BNC2: variants seen among roughly 807,000 people sequenced by gnomAD.
BNC2 encodes basonuclin zinc finger protein 2, also known as zinc finger protein basonuclin-2.
BNC2 carries 20 observed loss-of-function variants against 76.3 expected under a neutral mutation model. That is an observed-to-expected ratio of 0.26 (90% CI 0.18 to 0.38). BNC2 has a LOEUF of 0.38. BNC2 is among the 10% of genes least tolerant of loss of function. The pLI, the probability that BNC2 is intolerant of heterozygous loss-of-function variation, is 1.00. For missense variants in BNC2, 1,382 were observed against 1,399.8 expected, an observed-to-expected ratio of 0.99 and a Z score of 0.20; for synonymous variants, 582 against 514.8, an observed-to-expected ratio of 1.13 and a Z score of -1.77.
At chr9:16,767,002 C>G (rs1255781877) in intron 1 of BNC2, among the ~76,000 whole-genome samples, 1 of 152,234 alleles carries the variant, frequency 6.6e-6, no homozygotes, top group African/African-American at 2.4e-5. Flanking sequence ...TAAGAAGAGA[C>G]TGGACAAAGG....
intron 1 of BNC2, among the ~76,000 whole-genome samples, chr9:16,786,432 C>G (rs372971619): frequency 2.7e-5 from 4 of 150,872 alleles, no homozygotes; most frequent in Admixed American, 2.6e-4. Context: ...ACAGAAGAAA[C>G]GGAGGGAAAA....
intron 3 of BNC2, among the ~76,000 whole-genome samples, chr9:16,671,606 C>G (rs773487803): frequency 6.6e-6 from 1 of 152,158 alleles, no homozygotes; most frequent in Non-Finnish European, 1.5e-5. Flanking sequence ...AAAATAGAAA[C>G]TGGACATACA....
chr9:16,812,402 C>T (rs901159828), intron 1 of BNC2, among the ~76,000 whole-genome samples: 2 of 152,190 alleles, frequency 1.3e-5, no homozygotes. Context: ...GAGCTGGTCT[C>T]GTATCAAAAA....
In BNC2 at chr9:16,412,573, C is replaced by G. The variant is rs1428454470; in HGVS notation, c.*6416G>C. 1 of 152,550 alleles carries G rather than the reference C, an allele frequency of 6.6e-6. No individual in the cohort carries two copies. Among genetic ancestry groups the G allele is most frequent in the Non-Finnish European group, 1.5e-5 (1 of 68,028 alleles). The allele number at this position is 152,550 out of a possible 1,614,324, so 9.4% of individuals were successfully genotyped here. A position where few individuals can be genotyped will look rare whatever the true frequency, so the allele number is the denominator to read the frequency against. ...CACAGACAGCATCTCTCTACTGACC[C>G]TTTATTTAAGAAGTCATCTTGTTAC... On this transcript the variant is annotated 3_prime_UTR_variant, in exon 7 of 7. Transcript: ENST00000380672.
chr9:16,663,932 A>G (rs1193806421), intron 3 of BNC2, among the ~76,000 whole-genome samples: 2 of 152,234 alleles, frequency 1.3e-5, no homozygotes, highest in African/African-American at 2.4e-5. Context: ...AAGTCTTGCT[A>G]TATTAAATGT....
At chr9:16,847,064 T>C (rs568650796) in intron 1 of BNC2, among the ~76,000 whole-genome samples, 10 of 152,324 alleles carry the variant, frequency 6.6e-5, no homozygotes, top group African/African-American at 2.4e-4. Context: ...AGTTGCTGCA[T>C]GGTAGAAAAT....
At chr9:16,454,858 TTC>T (rs1821414157) in intron 5 of BNC2, among the ~76,000 whole-genome samples, 1 of 152,216 alleles carries the variant, frequency 6.6e-6, no homozygotes, top group Admixed American at 6.5e-5. Flanking sequence ...CAAGTAAATA[TTC>T]ATCTTTCTGA....
At chr9:16,500,559 A>T (rs1822496774) in intron 5 of BNC2, among the ~76,000 whole-genome samples, 1 of 152,204 alleles carries the variant, frequency 6.6e-6, no homozygotes, top group Non-Finnish European at 1.5e-5. Flanking sequence ...ACAATTACAG[A>T]GTCTACTTTG....
At chr9:16,574,585 A>T (rs75671485) in intron 4 of BNC2, among the ~76,000 whole-genome samples, 3,398 of 152,282 alleles carry the variant, frequency 0.022, 137 homozygotes, top group African/African-American at 0.076. Context: ...AGCCAAAAGA[A>T]CTGGTGACCT....
At chr9:16,469,295 T>C (rs113506948) in intron 5 of BNC2, among the ~76,000 whole-genome samples, 1 of 152,140 alleles carries the variant, frequency 6.6e-6, no homozygotes, top group African/African-American at 2.4e-5. Flanking sequence ...CCACATGTTG[T>C]AGGAAGGACC....
chr9:16,821,901 G>A (rs1328953179), intron 1 of BNC2, among the ~76,000 whole-genome samples: 1 of 152,114 alleles, frequency 6.6e-6, no homozygotes, highest in Non-Finnish European at 1.5e-5. Flanking sequence ...AGACCATCCT[G>A]GCTAACACGG....
At chr9:16,722,284 C>T (rs1824179750) in intron 3 of BNC2, among the ~76,000 whole-genome samples, 1 of 152,188 alleles carries the variant, frequency 6.6e-6, no homozygotes, top group Non-Finnish European at 1.5e-5. Flanking sequence ...CTCAGAGATG[C>T]CTTACTCAGC....
intron 4 of BNC2, among the ~76,000 whole-genome samples, chr9:16,558,810 T>A (rs953446790): frequency 1.3e-5 from 2 of 151,530 alleles, no homozygotes; most frequent in African/African-American, 2.4e-5. Context: ...GCACCTGTAG[T>A]CCCAGCTACT....
intron 1 of BNC2, among the ~76,000 whole-genome samples, chr9:16,864,570 T>G (rs914907182): frequency 3.3e-5 from 5 of 152,128 alleles, no homozygotes; most frequent in African/African-American, 1.2e-4. Context: ...TCACAAACTG[T>G]TGGTCTTTGC....
chr9:16,853,355 A>G (rs1819173226), intron 1 of BNC2, among the ~76,000 whole-genome samples: 1 of 151,102 alleles, frequency 6.6e-6, no homozygotes. Context: ...GCAGTGAGCC[A>G]TGATCATGCC....
intron 3 of BNC2, among the ~76,000 whole-genome samples, chr9:16,723,709 T>C (rs1824234431): frequency 6.6e-6 from 1 of 152,100 alleles, no homozygotes; most frequent in African/African-American, 2.4e-5. Flanking sequence ...AGTAAGAAAG[T>C]TTGCTTTTAC....
chr9:16,677,440 G>A (rs879863352), intron 3 of BNC2, among the ~76,000 whole-genome samples: 3 of 152,066 alleles, frequency 2.0e-5, no homozygotes, highest in Non-Finnish European at 4.4e-5. Context: ...GGACATGGTG[G>A]TGAATGCCCG....
chr9:16,681,619 G>T (rs1423873989), intron 3 of BNC2, among the ~76,000 whole-genome samples: 1 of 152,014 alleles, frequency 6.6e-6, no homozygotes, highest in South Asian at 2.1e-4. Flanking sequence ...CTCTGCAATG[G>T]TACAATGACT....
intron 1 of BNC2, among the ~76,000 whole-genome samples, chr9:16,769,635 T>C (rs1825783124): frequency 6.6e-6 from 1 of 152,200 alleles, no homozygotes; most frequent in Non-Finnish European, 1.5e-5. Context: ...ATCCCAGTGC[T>C]GCCTGCCCCT....
Sources: allele counts gnomAD v4.1 joint callset (sites outside exome capture counted in the v4.1 genomes callset), GRCh38; gene constraint gnomAD v4.1.1; transcripts MANE v1.5; gene names NCBI Gene and HGNC (gene_info 2026-07-23, HGNC 2026-07-21).